Variants in TAF13 observed in about 807,000 individuals in gnomAD.
The protein encoded by TAF13 is transcription initiation factor TFIID subunit 13.
TAF13 carries 9 observed loss-of-function variants against 18.7 expected under a neutral mutation model. The observed-to-expected ratio is 0.48, with a 90% CI of 0.29 to 0.84. The LOEUF (loss-of-function observed/expected upper bound fraction) is 0.84, where lower values mean the gene tolerates loss of function less well. Ranked by LOEUF, TAF13 falls within the 40% of genes least tolerant of loss-of-function variation. The pLI is 0.08. For missense variants in TAF13, 105 were observed against 146.5 expected, an observed-to-expected ratio of 0.72 and a Z score of 1.46; for synonymous variants, 49 against 44.1, an observed-to-expected ratio of 1.11 and a Z score of -0.44.
chr1:109,075,948 C>A lies in TAF13; in HGVS notation c.-1G>T, dbSNP rs1422672204. 7 of 1,614,238 alleles carry A rather than the reference C, an allele frequency of 4.3e-6. No homozygotes were observed. Among genetic ancestry groups the A allele is most frequent in the Non-Finnish European group, 5.9e-6 (7 of 1,180,038 alleles). ...TGGGGTCTTCTTCCTCATCTGCCATCCCACTAGCACGCCAACTCACAGCGT... is the reference window on the plus strand; with the variant it reads ...TGGGGTCTTCTTCCTCATCTGCCATACCACTAGCACGCCAACTCACAGCGT... On this transcript the variant is annotated 5_prime_UTR_variant, in exon 1 of 4. Transcript: ENST00000338366.
chr1:109,073,250 A>T (rs1028989260), intron 2 of TAF13, among the ~76,000 whole-genome samples: 2 of 151,658 alleles, frequency 1.3e-5, no homozygotes, highest in African/African-American at 4.8e-5. Flanking sequence ...CTTAAAAAGC[A>T]ATTTATAGGC....
chr1:109,071,630 A>G (rs1168350989), intron 2 of TAF13, among the ~76,000 whole-genome samples: 1 of 151,410 alleles, frequency 6.6e-6, no homozygotes, highest in African/African-American at 2.4e-5. Context: ...ATAAATAAAA[A>G]TTAAGAAAAT....
At chr1:109,074,758 C>A (rs1455851017) in intron 2 of TAF13, among the ~76,000 whole-genome samples, 12 of 147,832 alleles carry the variant, frequency 8.1e-5, no homozygotes, top group Admixed American at 2.7e-4. Context: ...CCAGCCTGGG[C>A]GACAGAGCGA....
intron 2 of TAF13, among the ~76,000 whole-genome samples, chr1:109,067,688 C>A (rs1217111709): frequency 6.6e-6 from 1 of 152,122 alleles, no homozygotes; most frequent in Non-Finnish European, 1.5e-5. Flanking sequence ...ATAAAAATAA[C>A]TGCCAAAAGA....
chr1:109,071,467 G>A (rs1664051039), intron 2 of TAF13, among the ~76,000 whole-genome samples: 2 of 150,946 alleles, frequency 1.3e-5, no homozygotes, highest in Admixed American at 1.3e-4. Flanking sequence ...AAAATTAGCT[G>A]GGCATGGTGG....
chr1:109,069,453 G>A (rs541487518), intron 2 of TAF13, among the ~76,000 whole-genome samples: 20 of 152,086 alleles, frequency 1.3e-4, no homozygotes, highest in Non-Finnish European at 2.5e-4. Flanking sequence ...AGGGAATAGT[G>A]ACAAGGAAAA....
intron 2 of TAF13, among the ~76,000 whole-genome samples, chr1:109,067,468 G>C (rs1445643082): frequency 6.6e-6 from 1 of 151,928 alleles, no homozygotes; most frequent in Admixed American, 6.6e-5. Context: ...AAGTCAGCTG[G>C]GGGTGTTGGC....
At chr1:109,071,485 C>A (rs1361196687) in intron 2 of TAF13, among the ~76,000 whole-genome samples, 1 of 150,802 alleles carries the variant, frequency 6.6e-6, no homozygotes, top group Non-Finnish European at 1.5e-5. Context: ...TGGCATGCAC[C>A]TATAGTCCCA....
chr1:109,071,547 T>C (rs935906232), intron 2 of TAF13, among the ~76,000 whole-genome samples: 7 of 151,358 alleles, frequency 4.6e-5, no homozygotes, highest in Non-Finnish European at 1.0e-4. Context: ...GAGTTAAAGG[T>C]TGCAGTGAGC....
chr1:109,069,829 G>GA (rs1372965801), intron 2 of TAF13, among the ~76,000 whole-genome samples: 1 of 152,092 alleles, frequency 6.6e-6, no homozygotes, highest in African/African-American at 2.4e-5. Flanking sequence ...ACACTGGCAA[G>GA]AGTCTTTAGG....
chr1:109,068,988 G>A (rs1663999816), intron 2 of TAF13, among the ~76,000 whole-genome samples: 1 of 151,962 alleles, frequency 6.6e-6, no homozygotes, highest in South Asian at 2.1e-4. Context: ...GGCGAAAGAG[G>A]GAGACTCTGC....
intron 2 of TAF13, among the ~76,000 whole-genome samples, 200 bp downstream of exon 2, chr1:109,074,787 A>G (rs547316234): frequency 6.6e-6 from 1 of 152,128 alleles, no homozygotes; most frequent in East Asian, 1.9e-4. Flanking sequence ...CTCAAAAAAA[A>G]AAAAAAAGCA....
rs1481780780 is a variant in TAF13, at chr1:109,074,589, T to TA, written c.106+397dup. ...AATGATCAATAAATACTAAAAAAAT[T>TA]AAAAAAATAAAATAAAGCAAAATAA... On this transcript the variant is annotated intron_variant, in intron 2 of 3. Coordinates refer to ENST00000338366, the MANE Select transcript of TAF13 (RefSeq NM_005645.4). 3.3e-5 allele frequency among the ~76,000 whole-genome samples: 5 copies of TA among 151,588 alleles called. No homozygotes were observed. In the East Asian group the frequency reaches 7.7e-4, roughly 23 times the overall value.
chr1:109,069,097 T>C (rs1664005574), intron 2 of TAF13, among the ~76,000 whole-genome samples: 1 of 152,214 alleles, frequency 6.6e-6, no homozygotes, highest in African/African-American at 2.4e-5. Flanking sequence ...GGAATAATTA[T>C]AACTTTTATC....
chr1:109,072,435 T>C (rs866233419), intron 2 of TAF13, among the ~76,000 whole-genome samples: 15 of 151,772 alleles, frequency 9.9e-5, no homozygotes, highest in South Asian at 2.1e-4. Flanking sequence ...TCCATGTTAT[T>C]GTTTATTTTA....
At chr1:109,071,957 A>AAAAAAAAAAT (rs1268379958) in intron 2 of TAF13, among the ~76,000 whole-genome samples, 5 of 87,830 alleles carry the variant, frequency 5.7e-5, no homozygotes, top group South Asian at 3.8e-4. Flanking sequence ...TCAAAAAGAA[A>AAAAAAAAAAT]ATATATATAT....
At chr1:109,074,162 G>A (rs934229668) in intron 2 of TAF13, among the ~76,000 whole-genome samples, 1 of 152,224 alleles carries the variant, frequency 6.6e-6, no homozygotes, top group Non-Finnish European at 1.5e-5. Flanking sequence ...AAAAGAAAGA[G>A]AGATCAGATT....
Position 109,064,364 on chromosome 1 carries a change from A to G in TAF13, c.*159T>C, listed in dbSNP as rs992092277. 1 of 562,088 alleles carries G rather than the reference A, an allele frequency of 1.8e-6. No individual in the cohort carries two copies. The highest frequency in any genetic ancestry group is 5.2e-5 in the South Asian group (1 of 19,182). The allele number at this position is 562,088 out of a possible 1,614,324, so 34.8% of individuals were successfully genotyped here. On this transcript the variant is annotated 3_prime_UTR_variant, in exon 4 of 4. Transcript: ENST00000338366. ...TAAAGGCAGGCAATTACATGCACCA[A>G]TATCACCCTAAAATCAAAGGCATAA...
At chr1:109,066,755 C>T (rs112794642) in intron 2 of TAF13, among the ~76,000 whole-genome samples, 840 of 152,224 alleles carry the variant, frequency 5.5e-3, no homozygotes, top group Non-Finnish European at 8.1e-3. Flanking sequence ...CTCGCTCTGT[C>T]GCCCAAGCTG....
Sources: allele counts gnomAD v4.1 joint callset (sites outside exome capture counted in the v4.1 genomes callset), GRCh38; gene constraint gnomAD v4.1.1; transcripts MANE v1.5; gene names NCBI Gene and HGNC (gene_info 2026-07-23, HGNC 2026-07-21).